The following NALF1 variants were observed in gnomAD, a reference collection of about 807,000 sequenced individuals.
The protein encoded by NALF1 is NALCN channel auxiliary factor 1.
A neutral mutation model predicts 48.4 loss-of-function variants in NALF1; 3 were observed. That is an observed-to-expected ratio of 0.06 (90% confidence interval 0.03 to 0.16). The LOEUF (loss-of-function observed/expected upper bound fraction) is 0.16, where lower values mean the gene tolerates loss of function less well. Among genes scored for constraint, NALF1 ranks in the 10% least tolerant of loss-of-function variants. The pLI is 1.00. For synonymous variants in NALF1, 262 were observed against 245.7 expected, an observed-to-expected ratio of 1.07 and a Z score of -0.62; for missense variants, 526 against 571.5, an observed-to-expected ratio of 0.92 and a Z score of 0.81.
chr13:107,646,964 G>A (rs1880330094), intron 1 of NALF1, among the ~76,000 whole-genome samples: 1 of 152,002 alleles, frequency 6.6e-6, no homozygotes, highest in Non-Finnish European at 1.5e-5. Flanking sequence ...GCACTCACCT[G>A]TTGACCAAGC....
intron 1 of NALF1, among the ~76,000 whole-genome samples, chr13:107,636,868 C>G (rs1879990869): frequency 6.9e-6 from 1 of 144,298 alleles, no homozygotes; most frequent in Non-Finnish European, 1.5e-5. Context: ...TCTTATGAGA[C>G]TATGCTAATC....
At chr13:107,842,785 G>A (rs1880076672) in intron 1 of NALF1, among the ~76,000 whole-genome samples, 1 of 151,962 alleles carries the variant, frequency 6.6e-6, no homozygotes, top group Admixed American at 6.6e-5. Flanking sequence ...TAGGTTATTA[G>A]TCATTCCTCA....
At chr13:107,586,622 C>G (rs1180500721) in intron 1 of NALF1, among the ~76,000 whole-genome samples, 1 of 54,936 alleles carries the variant, frequency 1.8e-5, no homozygotes. Flanking sequence ...ACATTTAAAG[C>G]TCCCCTATGG....
chr13:107,403,785 T>C (rs1883854778), intron 1 of NALF1, among the ~76,000 whole-genome samples: 1 of 151,918 alleles, frequency 6.6e-6, no homozygotes, highest in Non-Finnish European at 1.5e-5. Context: ...CATTTTAGCT[T>C]TAGTTTTTTA....
intron 1 of NALF1, among the ~76,000 whole-genome samples, chr13:107,234,478 A>G (rs1414607929): frequency 1.3e-5 from 2 of 152,272 alleles, no homozygotes; most frequent in East Asian, 3.9e-4. Flanking sequence ...ATTTTTATAA[A>G]CATCAAAGAC....
At chr13:107,316,774 T>C (rs1882158697) in intron 1 of NALF1, among the ~76,000 whole-genome samples, 2 of 151,410 alleles carry the variant, frequency 1.3e-5, no homozygotes, top group South Asian at 4.2e-4. Flanking sequence ...CTTTGAGTTC[T>C]TTGTAGATTC....
intron 1 of NALF1, among the ~76,000 whole-genome samples, chr13:107,252,293 G>C (rs1038557576): frequency 8.5e-5 from 13 of 152,096 alleles, no homozygotes; most frequent in Non-Finnish European, 1.8e-4. Context: ...CACAGCACAC[G>C]GGCCTCTTCA....
intron 2 of NALF1, among the ~76,000 whole-genome samples, chr13:107,201,636 C>G (rs547814751): frequency 1.3e-5 from 2 of 152,106 alleles, no homozygotes; most frequent in African/African-American, 4.8e-5. Context: ...TACTATGCAG[C>G]GAGCAACAGG....
intron 1 of NALF1, among the ~76,000 whole-genome samples, chr13:107,384,175 C>A (rs1239149954): frequency 6.6e-6 from 1 of 152,070 alleles, no homozygotes; most frequent in Admixed American, 6.6e-5. Context: ...ATCACTTGAG[C>A]CCAGGAGGTT....
rs1878659455 is a variant in NALF1 at position 107,166,395 on chromosome 13, G to A, written c.*4102C>T. On this transcript the variant is annotated 3_prime_UTR_variant, in exon 3 of 3. Coordinates refer to ENST00000375915, the MANE Select transcript of NALF1 (RefSeq NM_001080396.3). The stretch of plus-strand genomic sequence containing the variant: ...AGATCTTGCCGCTGCATTCCAGCTT[G>A]AGCAACAGAGCAAGATGCCATCTCA... 1 of 152,242 alleles carries A rather than the reference G, an allele frequency of 6.6e-6. No homozygotes were observed. Among genetic ancestry groups the A allele is most frequent in the African/African-American group, 2.4e-5 (1 of 41,456 alleles). The allele number at this position is 152,242 out of a possible 1,614,324, so 9.4% of individuals were successfully genotyped here. A position where few individuals can be genotyped will look rare whatever the true frequency, so the allele number is the denominator to read the frequency against.
chr13:107,546,217 A>G (rs1293680389), intron 1 of NALF1, among the ~76,000 whole-genome samples: 1 of 152,168 alleles, frequency 6.6e-6, no homozygotes, highest in Non-Finnish European at 1.5e-5. Flanking sequence ...GCTGCTCTGC[A>G]GACAGGCCTC....
chr13:107,466,389 G>A (rs1885003500), intron 1 of NALF1: 1 of 152,220 alleles, frequency 6.6e-6, no homozygotes, highest in African/African-American at 2.4e-5. Flanking sequence ...CACATGCAAA[G>A]TCTATAGCAG....
At chr13:107,222,923 C>G (rs1880024415) in intron 1 of NALF1, among the ~76,000 whole-genome samples, 1 of 152,100 alleles carries the variant, frequency 6.6e-6, no homozygotes, top group African/African-American at 2.4e-5. Flanking sequence ...GCAACACATT[C>G]CTGTTCTATT....
rs560566842 is a variant in NALF1, at chr13:107,775,924, G to A, written c.915+89758C>T. Among the ~76,000 whole-genome samples, 41 of 152,346 alleles carry A rather than the reference G, an allele frequency of 2.7e-4. 1 individual carries two copies. The South Asian group carries it at 8.5e-3, about 32-fold the overall frequency. On this transcript the variant is annotated intron_variant, in intron 1 of 2. Transcript: ENST00000375915. ...GCTGTCAGAGCAGGTTTACTCTTAT[G>A]CACCTGGCCTAAGAGCCAAATGGTG...
intron 1 of NALF1, among the ~76,000 whole-genome samples, chr13:107,496,007 A>G (rs1594094250): frequency 6.6e-6 from 1 of 152,188 alleles, no homozygotes; most frequent in South Asian, 2.1e-4. Flanking sequence ...AAAATTACAT[A>G]TATTTTTGAA....
intron 1 of NALF1, among the ~76,000 whole-genome samples, chr13:107,830,927 A>G (rs1180785086): frequency 6.6e-6 from 1 of 152,220 alleles, no homozygotes; most frequent in Admixed American, 6.5e-5. Flanking sequence ...CATGTCCTAC[A>G]TGAAAAATGA....
At chr13:107,757,511 G>C (rs979399992) in intron 1 of NALF1, among the ~76,000 whole-genome samples, 4 of 147,208 alleles carry the variant, frequency 2.7e-5, no homozygotes, top group African/African-American at 1.0e-4. Context: ...CCCCAACTAT[G>C]AAAAAGTAAA....
At chr13:107,357,257 T>C (rs990379215) in intron 1 of NALF1, among the ~76,000 whole-genome samples, 8 of 152,046 alleles carry the variant, frequency 5.3e-5, no homozygotes, top group Admixed American at 2.0e-4. Flanking sequence ...GACCTTCTCA[T>C]ATGGCAGCAG....
chr13:107,167,680 T>C lies in NALF1; in HGVS notation c.*2817A>G, dbSNP rs1282828297. The C allele has an allele frequency of 6.6e-6, 1 of 152,102 alleles. No individual in the cohort carries two copies. The highest frequency in any genetic ancestry group is 1.5e-5 in the Non-Finnish European group (1 of 67,994). 9.4% of individuals were successfully genotyped at this position (152,102 alleles called of 1,614,324 possible). On this transcript the variant is annotated 3_prime_UTR_variant, in exon 3 of 3. Coordinates refer to ENST00000375915, the MANE Select transcript of NALF1 (RefSeq NM_001080396.3). ...ACTCATTCCCCTTCCCTCCTTACCG[T>C]TCCTTCCTCACCTAAATTATCACTT...
Sources: gnomAD v4.1 joint callset for allele counts (sites outside exome capture counted in the v4.1 genomes callset) on GRCh38, gnomAD v4.1.1 for gene constraint, MANE v1.5 for transcripts, NCBI Gene and HGNC (gene_info 2026-07-23, HGNC 2026-07-21) for gene names.